PIK3C2G: variants seen among roughly 807,000 people sequenced by gnomAD.
The protein encoded by PIK3C2G is phosphatidylinositol 3-kinase C2 domain-containing subunit gamma.
In PIK3C2G, 168 loss-of-function variants were observed where a neutral mutation model predicts 181.1. That is an observed-to-expected ratio of 0.93 (90% CI 0.82 to 1.05). PIK3C2G has a LOEUF of 1.05. Among genes scored for constraint, PIK3C2G ranks in the 50% least tolerant of loss-of-function variants. The probability of loss-of-function intolerance (pLI) is 0.00; values close to 1 mark genes in which losing one functional copy is unlikely to be tolerated. For missense variants in PIK3C2G, 1,869 were observed against 1,732.8 expected, an observed-to-expected ratio of 1.08 and a Z score of -1.40; for synonymous variants, 573 against 592.2, an observed-to-expected ratio of 0.97 and a Z score of 0.47.
rs528824586 is a variant in PIK3C2G, at chr12:18,537,062, C to G, written c.3324-1094C>G. Among the ~76,000 whole-genome samples, 6 of 152,078 alleles carry G rather than the reference C, an allele frequency of 3.9e-5. No individual in the cohort carries two copies. In the East Asian group the frequency reaches 1.2e-3, roughly 30 times the overall value. On this transcript the variant is annotated intron_variant, in intron 24 of 32. Coordinates refer to ENST00000538779, the MANE Select transcript of PIK3C2G (RefSeq NM_001288772.2). ...TTTAAAGATTTTGCCTGCAATTAGA[C>G]CCCCCTGTCCCAAACCTGCCACAAA...
In PIK3C2G at chr12:18,315,888, T is replaced by A. The variant is rs1023992695; in HGVS notation, c.1137+1824T>A. Among the ~76,000 whole-genome samples the A allele has an allele frequency of 4.1e-5, 6 of 145,326 alleles. No individual in the cohort carries two copies. The Admixed American group carries it at 4.2e-4, about 10-fold the overall frequency. ...TGGTCAAAAATTCTAGCTTCATGCA[T>A]CCACGTGTGTGTGTGTGTGTGTGTG... On this transcript the variant is annotated intron_variant, in intron 6 of 32. Transcript: ENST00000538779.
chr12:18,614,471 C>T (rs1418047175), intron 31 of PIK3C2G, among the ~76,000 whole-genome samples: 1 of 152,094 alleles, frequency 6.6e-6, no homozygotes, highest in Non-Finnish European at 1.5e-5. Context: ...CCAGCTTTTT[C>T]ATGAAACTTC....
At chr12:18,645,349 A>T (rs1254951969) in intron 32 of PIK3C2G, among the ~76,000 whole-genome samples, 1 of 152,224 alleles carries the variant, frequency 6.6e-6, no homozygotes, top group Non-Finnish European at 1.5e-5. Context: ...GATATTTATC[A>T]TCTATAATGT....
chr12:18,393,498 A>T (rs1203684717), intron 15 of PIK3C2G, among the ~76,000 whole-genome samples: 1 of 152,088 alleles, frequency 6.6e-6, no homozygotes, highest in African/African-American at 2.4e-5. Flanking sequence ...ACTCAGTGAA[A>T]ATATGCCTGT....
intron 15 of PIK3C2G, among the ~76,000 whole-genome samples, chr12:18,394,542 G>A (rs1050772836): frequency 6.6e-6 from 1 of 151,866 alleles, no homozygotes; most frequent in Non-Finnish European, 1.5e-5. Context: ...TTCCAATACA[G>A]CTATTATAAA....
At chr12:18,440,318 C>T (rs9634063) in intron 18 of PIK3C2G, among the ~76,000 whole-genome samples, 22,899 of 151,840 alleles carry the variant, frequency 0.15, 2,005 homozygotes, top group African/African-American at 0.23. Flanking sequence ...TTGTAGTCTT[C>T]AGGGATATAG....
At chr12:18,607,046 T>C (rs1236811229) in intron 30 of PIK3C2G, 1 of 339,096 alleles carries the variant, frequency 2.9e-6, no homozygotes, top group Non-Finnish European at 6.0e-6. Flanking sequence ...CTGAGATAGA[T>C]TGTAATCCCC....
upstream of PIK3C2G, among the ~76,000 whole-genome samples, chr12:18,247,027 T>C (rs1193330597): frequency 6.6e-6 from 1 of 152,218 alleles, no homozygotes; most frequent in African/African-American, 2.4e-5. Flanking sequence ...ATATAAAACA[T>C]AATATGTACT....
chr12:18,614,954 T>A (rs1385459009), intron 31 of PIK3C2G, among the ~76,000 whole-genome samples: 1 of 152,040 alleles, frequency 6.6e-6, no homozygotes, highest in Non-Finnish European at 1.5e-5. Context: ...TCTCTATAAT[T>A]ACTTTTCTTT....
the PIK3C2G span, among the ~76,000 whole-genome samples, chr12:18,697,880 T>C: frequency 8.9e-6 from 1 of 111,810 alleles, no homozygotes; most frequent in East Asian, 2.6e-4. Context: ...TCATTGATTA[T>C]TTACTATAAC....
downstream of PIK3C2G, among the ~76,000 whole-genome samples, chr12:18,652,727 A>G (rs534418393): frequency 2.4e-4 from 36 of 152,288 alleles, no homozygotes; most frequent in South Asian, 5.6e-3. Flanking sequence ...ACAATGTTGC[A>G]AAGTTCCTTC....
chr12:18,648,797 A>C (rs1031735091), downstream of PIK3C2G, among the ~76,000 whole-genome samples: 1 of 152,142 alleles, frequency 6.6e-6, no homozygotes, highest in Non-Finnish European at 1.5e-5. Flanking sequence ...AGGGCAAACA[A>C]TCCCACAGAT....
chr12:18,248,380 A>G (rs543792843), intron 1 of PIK3C2G, among the ~76,000 whole-genome samples: 231 of 152,018 alleles, frequency 1.5e-3, no homozygotes, highest in Admixed American at 2.6e-3. Context: ...AGACCATCCT[A>G]GCTAACACGG....
intron 11 of PIK3C2G, among the ~76,000 whole-genome samples, chr12:18,359,920 T>A (rs1231110431): frequency 6.6e-6 from 1 of 152,170 alleles, no homozygotes; most frequent in African/African-American, 2.4e-5. Flanking sequence ...TGCTGTTGGT[T>A]AAATGGATAA....
At chr12:18,271,524 G>A (rs1948744129) in intron 1 of PIK3C2G, among the ~76,000 whole-genome samples, 2 of 152,092 alleles carry the variant, frequency 1.3e-5, no homozygotes. Context: ...GGTCTCATCA[G>A]GTCCTTAAAA....
At chr12:18,460,187 G>T (rs1947840474) in intron 18 of PIK3C2G, among the ~76,000 whole-genome samples, 1 of 152,080 alleles carries the variant, frequency 6.6e-6, no homozygotes, top group Non-Finnish European at 1.5e-5. Context: ...CTTAATAATT[G>T]TATGATTATG....
intron 12 of PIK3C2G, among the ~76,000 whole-genome samples, chr12:18,363,521 C>T (rs1303583874): frequency 6.6e-6 from 1 of 152,030 alleles, no homozygotes; most frequent in East Asian, 1.9e-4. Context: ...GCCTCATTCA[C>T]AGCTCTTCCA....
chr12:18,488,684 A>G (rs1940283161), intron 19 of PIK3C2G, 55 bp downstream of exon 19: 3 of 1,102,330 alleles, frequency 2.7e-6, no homozygotes. Flanking sequence ...GGCTTAAATT[A>G]AGTTTTAATT....
At chr12:18,359,899 C>T (rs1941080272) in intron 11 of PIK3C2G, among the ~76,000 whole-genome samples, 1 of 151,894 alleles carries the variant, frequency 6.6e-6, no homozygotes, top group South Asian at 2.1e-4. Context: ...TACTTTTTGT[C>T]CATTTAGCCA....
Sources: gnomAD v4.1 joint callset for allele counts (sites outside exome capture counted in the v4.1 genomes callset) on GRCh38, gnomAD v4.1.1 for gene constraint, MANE v1.5 for transcripts, NCBI Gene and HGNC (gene_info 2026-07-23, HGNC 2026-07-21) for gene names.